Variants in CDH13 observed in about 807,000 individuals in gnomAD.
CDH13 encodes the protein cadherin-13.
In CDH13, 24 loss-of-function variants were observed where a neutral mutation model predicts 63.8. The observed-to-expected ratio is 0.38, with a 90% confidence interval of 0.27 to 0.53. The LOEUF (loss-of-function observed/expected upper bound fraction) is 0.53. CDH13 is among the 20% of genes least tolerant of loss of function. The pLI, the probability that CDH13 is intolerant of heterozygous loss-of-function variation, is 0.85. For synonymous variants in CDH13, 503 were observed against 355.3 expected, an observed-to-expected ratio of 1.42 and a Z score of -4.67; for missense variants, 1,049 against 903.1, an observed-to-expected ratio of 1.16 and a Z score of -2.07.
intron 1 of CDH13, among the ~76,000 whole-genome samples, chr16:82,700,449 C>T (rs976972531): frequency 2.0e-5 from 3 of 151,990 alleles, no homozygotes; most frequent in African/African-American, 7.3e-5. Flanking sequence ...CATAAGTGGA[C>T]ATTAGCTTGT....
intron 4 of CDH13, among the ~76,000 whole-genome samples, chr16:83,162,893 G>T (rs562736629): frequency 6.6e-6 from 1 of 152,224 alleles, no homozygotes; most frequent in Admixed American, 6.5e-5. Context: ...TGTAGAGCTA[G>T]CTTGGGCTGC....
intron 1 of CDH13, among the ~76,000 whole-genome samples, chr16:82,760,746 G>A (rs962974935): frequency 1.3e-5 from 2 of 152,154 alleles, no homozygotes; most frequent in African/African-American, 2.4e-5. Context: ...CATGGTGCCA[G>A]CATCTGTTTC....
chr16:83,792,598 C>T (rs1916347262), intron 13 of CDH13, among the ~76,000 whole-genome samples: 1 of 152,178 alleles, frequency 6.6e-6, no homozygotes, highest in African/African-American at 2.4e-5. Context: ...AAGGGTGCTG[C>T]TAAGCGTCCT....
At chr16:83,599,797 T>C (rs1435397971) in intron 7 of CDH13, among the ~76,000 whole-genome samples, 1 of 152,154 alleles carries the variant, frequency 6.6e-6, no homozygotes, top group African/African-American at 2.4e-5. Flanking sequence ...TTGTCAGTAA[T>C]TGTGTGCTTT....
chr16:83,260,708 G>A (rs62040397), intron 5 of CDH13, among the ~76,000 whole-genome samples: 3 of 152,092 alleles, frequency 2.0e-5, no homozygotes, highest in Non-Finnish European at 2.9e-5. Context: ...GGCCTCCACC[G>A]ACAGCCCCAT....
chr16:83,387,459 C>T (rs2091697458), intron 6 of CDH13, among the ~76,000 whole-genome samples: 2 of 152,096 alleles, frequency 1.3e-5, no homozygotes, highest in African/African-American at 2.4e-5. Context: ...TGTGTTTCAT[C>T]GATTTGGGCA....
chr16:82,742,350 C>T (rs1340867293), intron 1 of CDH13, among the ~76,000 whole-genome samples: 1 of 151,708 alleles, frequency 6.6e-6, no homozygotes, highest in African/African-American at 2.4e-5. Flanking sequence ...TCCAAATTTT[C>T]TACAATGAAC....
chr16:82,830,887 T>C (rs1378642314), intron 1 of CDH13, among the ~76,000 whole-genome samples: 5 of 152,206 alleles, frequency 3.3e-5, no homozygotes, highest in African/African-American at 9.7e-5. Context: ...AATAAGTCAT[T>C]GGAAGAAAAA....
chr16:83,203,129 C>T (rs137938213), intron 4 of CDH13, among the ~76,000 whole-genome samples: 5,546 of 152,206 alleles, frequency 0.036, 189 homozygotes, highest in African/African-American at 0.089. Flanking sequence ...GAGGCTGAGG[C>T]AGGAGAATTG....
At chr16:83,194,116 G>T (rs1377117540) in intron 4 of CDH13, among the ~76,000 whole-genome samples, 1 of 152,212 alleles carries the variant, frequency 6.6e-6, no homozygotes, top group Non-Finnish European at 1.5e-5. Context: ...TCCAACCTTT[G>T]CGAATATGAA....
At chr16:82,666,234 A>G (rs1208465266) in intron 1 of CDH13, among the ~76,000 whole-genome samples, 1 of 152,284 alleles carries the variant, frequency 6.6e-6, no homozygotes, top group East Asian at 1.9e-4. Context: ...AGCTCCTGCA[A>G]TCAACCAGAA....
chr16:83,247,642 G>A (rs779384319), intron 5 of CDH13, among the ~76,000 whole-genome samples: 1 of 152,012 alleles, frequency 6.6e-6, no homozygotes, highest in African/African-American at 2.4e-5. Context: ...GAAGCCTGAG[G>A]GAAAATGAGA....
chr16:83,776,173 A>G (rs1915098893), intron 11 of CDH13, among the ~76,000 whole-genome samples: 1 of 152,250 alleles, frequency 6.6e-6, no homozygotes, highest in Non-Finnish European at 1.5e-5. Flanking sequence ...AGACAGTAGT[A>G]TACTTAAGTT....
At chr16:83,042,623 C>T (rs757899778) in intron 3 of CDH13, among the ~76,000 whole-genome samples, 1 of 152,180 alleles carries the variant, frequency 6.6e-6, no homozygotes, top group South Asian at 2.1e-4. Context: ...CACCCTCAGT[C>T]CATGGAAAAA....
intron 1 of CDH13, among the ~76,000 whole-genome samples, chr16:82,714,032 C>T (rs979085052): frequency 2.0e-5 from 3 of 152,124 alleles, no homozygotes; most frequent in African/African-American, 7.2e-5. Flanking sequence ...CTCCTGACCT[C>T]AGGTGATTCA....
intron 5 of CDH13, among the ~76,000 whole-genome samples, chr16:83,267,311 C>T (rs957019917): frequency 6.6e-6 from 1 of 152,154 alleles, no homozygotes; most frequent in Non-Finnish European, 1.5e-5. Context: ...CCTCTTCCTG[C>T]TTTATCATTC....
chr16:83,549,626 C>G (rs2075453567), intron 7 of CDH13, among the ~76,000 whole-genome samples: 1 of 147,098 alleles, frequency 6.8e-6, no homozygotes, highest in East Asian at 2.0e-4. Context: ...TTTCTTGCAT[C>G]ATTTTTCTCT....
chr16:83,795,183 T>G lies in CDH13; in HGVS notation c.*153T>G. The G allele has an allele frequency of 1.6e-6, 1 of 608,920 alleles. No homozygotes were observed. Among genetic ancestry groups the G allele is most frequent in the Non-Finnish European group, 2.9e-6 (1 of 349,482 alleles). The allele number at this position is 608,920 out of a possible 1,614,324, so 37.7% of individuals were successfully genotyped here. A position where few individuals can be genotyped will look rare whatever the true frequency, so the allele number is the denominator to read the frequency against. On this transcript the variant is annotated 3_prime_UTR_variant, in exon 14 of 14. Coordinates refer to ENST00000567109, the MANE Select transcript of CDH13 (RefSeq NM_001257.5). ...TTTTTATTTTCTTTACAATTTCACTTAGTCTGTACTTCATCATTTTGACAG... is the reference window on the plus strand; with the variant it reads ...TTTTTATTTTCTTTACAATTTCACTGAGTCTGTACTTCATCATTTTGACAG...
At chr16:83,098,593 C>G (rs994650366) in intron 3 of CDH13, among the ~76,000 whole-genome samples, 3 of 152,094 alleles carry the variant, frequency 2.0e-5, no homozygotes, top group African/African-American at 7.2e-5. Context: ...CTTACTTTTG[C>G]TTTCAATAAT....
Sources: gnomAD v4.1 joint callset for allele counts (sites outside exome capture counted in the v4.1 genomes callset) on GRCh38, gnomAD v4.1.1 for gene constraint, MANE v1.5 for transcripts, NCBI Gene and HGNC (gene_info 2026-07-23, HGNC 2026-07-21) for gene names.